The following BCL7C variants were observed in gnomAD, a reference collection of about 807,000 sequenced individuals.
BCL7C encodes the protein B-cell CLL/lymphoma 7 protein family member C.
In BCL7C, 8 loss-of-function variants were observed where a neutral mutation model predicts 26.2. That is an observed-to-expected ratio of 0.30 (90% CI 0.18 to 0.55). The LOEUF (loss-of-function observed/expected upper bound fraction) is 0.55. Among genes scored for constraint, BCL7C ranks in the 20% least tolerant of loss-of-function variants. BCL7C has a pLI of 0.93. For synonymous variants in BCL7C, 90 were observed against 116.5 expected, an observed-to-expected ratio of 0.77 and a Z score of 1.47; for missense variants, 262 against 298.5, an observed-to-expected ratio of 0.88 and a Z score of 0.90.
Position 30,887,995 on chromosome 16 carries a change from A to G in BCL7C, c.529-5T>C. On this transcript the variant is annotated splice_region_variant and splice_polypyrimidine_tract_variant and intron_variant, in intron 5 of 5. Coordinates refer to ENST00000215115, the MANE Select transcript of BCL7C (RefSeq NM_004765.4). ...GACAGGGTAAGCTTCGGGGGCCTGG[A>G]GAGGAAGGGTGGACAGGCGTGAGCT... is the stretch of plus-strand genomic sequence containing the variant. The G allele has an allele frequency of 1.2e-6, 2 of 1,603,272 alleles. No individual in the cohort carries two copies. Among genetic ancestry groups the G allele is most frequent in the Non-Finnish European group, 1.7e-6 (2 of 1,175,546 alleles).
intron 5 of BCL7C, chr16:30,875,331 G>A (rs566012848): frequency 5.0e-4 from 77 of 153,590 alleles, no homozygotes; most frequent in African/African-American, 1.8e-3. Context: ...GTTGCCCGAG[G>A]TCTCAGCCTC....
intron 5 of BCL7C, chr16:30,851,710 G>A: frequency 1.4e-6 from 1 of 717,350 alleles, no homozygotes; most frequent in Non-Finnish European, 2.3e-6. Flanking sequence ...GAAAGTTGCA[G>A]TGGATCAGAC....
At chr16:30,876,930 G>C (rs1380135478) in intron 5 of BCL7C, among the ~76,000 whole-genome samples, 1 of 152,188 alleles carries the variant, frequency 6.6e-6, no homozygotes, top group African/African-American at 2.4e-5. Context: ...GGACCAAGAA[G>C]CCCATGTGGC....
At chr16:30,837,211 C>T (rs2054575495) in intron 5 of BCL7C, among the ~76,000 whole-genome samples, 3 of 152,058 alleles carry the variant, frequency 2.0e-5, no homozygotes, top group Admixed American at 1.3e-4. Flanking sequence ...TAGTGTTTAC[C>T]ATTAAAATAA....
chr16:30,870,980 G>A (rs1361265999), intron 5 of BCL7C, among the ~76,000 whole-genome samples: 1 of 152,214 alleles, frequency 6.6e-6, no homozygotes, highest in African/African-American at 2.4e-5. Flanking sequence ...GAAGTAGCGA[G>A]GACCAGATAA....
At chr16:30,883,853 CA>C (rs1195507243), downstream of BCL7C, among the ~76,000 whole-genome samples, 1 of 148,136 alleles carries the variant, frequency 6.8e-6, no homozygotes, top group African/African-American at 2.5e-5. Flanking sequence ...GTGCCGGGCG[CA>C]GTGGCTCAGG....
rs754376558 is a variant in BCL7C at position 30,893,832 on chromosome 16, T to C, written c.92+21A>G. On this transcript the variant is annotated intron_variant, in intron 1 of 5. Transcript: ENST00000215115. This position sits in a 1 kb window ranked among gnomAD's most constrained non-coding sequence, Gnocchi z 5.2. Reference sequence around the variant, plus strand: ...TGGTGGTCCCGCTGTGTCCCGTCCCTGGCCCCCGAGCAGCGCTCACCATCT... The same window carrying C: ...TGGTGGTCCCGCTGTGTCCCGTCCCCGGCCCCCGAGCAGCGCTCACCATCT... 1 of 1,596,052 alleles carries C rather than the reference T, an allele frequency of 6.3e-7. No homozygotes were observed. The highest frequency in any genetic ancestry group is 1.1e-5 in the South Asian group (1 of 90,840).
intron 5 of BCL7C, among the ~76,000 whole-genome samples, chr16:30,860,132 A>G (rs1428677600): frequency 6.6e-6 from 1 of 151,992 alleles, no homozygotes; most frequent in Non-Finnish European, 1.5e-5. Flanking sequence ...TTTCCTCTCT[A>G]GTAGAGACAA....
rs2055300902 is a variant in BCL7C, at chr16:30,893,869, C to T, written c.76G>A (p.Glu26Lys). 1.2e-6 allele frequency: 2 copies of T among 1,602,332 alleles called. No individual in the cohort carries two copies. The highest frequency in any genetic ancestry group is 2.2e-5 in the East Asian group (1 of 44,800). Residue 26 changes from glutamate to lysine, a missense_variant, in exon 1 of 6, where the codon GAG becomes AAG. Glu to Lys is a moderately conservative substitution (Grantham distance 56, BLOSUM62 1). Coordinates refer to ENST00000215115, the MANE Select transcript of BCL7C (RefSeq NM_004765.4). This position sits in a 1 kb window ranked among gnomAD's most constrained non-coding sequence, Gnocchi z 5.2. Reference protein sequence around the residue: ...DDIKKVMATIEKVRRWEKRWV... With the variant: ...DDIKKVMATIKKVRRWEKRWV... ...AGCGCTCACCATCTCCGGACCTTCTCGATGGTCGCCATCACCTTCTTGATG... is the reference window on the plus strand; with the variant it reads ...AGCGCTCACCATCTCCGGACCTTCTTGATGGTCGCCATCACCTTCTTGATG...
chr16:30,860,784 T>C (rs964883142), intron 5 of BCL7C, among the ~76,000 whole-genome samples: 4 of 152,108 alleles, frequency 2.6e-5, no homozygotes, highest in Admixed American at 2.0e-4. Context: ...TCCTTCAGTC[T>C]CCACCCCAAG....
chr16:30,893,016 A>C lies in BCL7C; in HGVS notation c.172-68T>G, dbSNP rs2055278377. The C allele has an allele frequency of 6.8e-7, 1 of 1,472,020 alleles. No individual in the cohort carries two copies. 91.2% of individuals were successfully genotyped at this position (1,472,020 alleles called of 1,614,324 possible). On this transcript the variant is annotated intron_variant, in intron 2 of 5. Transcript: ENST00000215115. The surrounding 1 kb of genome is among the most constrained non-coding windows in gnomAD (Gnocchi z 5.2). ...ACCATACACCTAAGGAAACTGAGGC[A>C]CTGAGAAGCAAAAGGGCTCAAACTC...
At chr16:30,844,145 A>G (rs570164610) in intron 5 of BCL7C, among the ~76,000 whole-genome samples, 2 of 150,628 alleles carry the variant, frequency 1.3e-5, no homozygotes, top group South Asian at 2.1e-4. Context: ...AGGTCAAGAG[A>G]TCAAGACCAT....
chr16:30,879,689 C>CAAAAAAAAAAAAAAAAAA lies in BCL7C; in HGVS notation c.528+9153_528+9170dup, dbSNP rs1187827463. Among the ~76,000 whole-genome samples the CAAAAAAAAAAAAAAAAAA allele has an allele frequency of 7.4e-3, 218 of 29,376 alleles. 56 individuals are homozygous for CAAAAAAAAAAAAAAAAAA. The highest frequency in any genetic ancestry group is 0.022 in the African/African-American group (171 of 7,754). 19.3% of individuals were successfully genotyped at this position (29,376 alleles called of 152,430 possible). ...AACACAGAGAGACTCCCCTTCTCTACAAAAAAAAAAAAAAAAAAAACTGGG... is the reference window on the plus strand; with the variant it reads ...AACACAGAGAGACTCCCCTTCTCTACAAAAAAAAAAAAAAAAAAAAAAAAAAAAAAAAAAAAAACTGGG... On this transcript the variant is annotated intron_variant, in intron 5 of 5. Coordinates refer to the BCL7C transcript ENST00000380317.
intron 3 of BCL7C, 36 bp downstream of exon 3, chr16:30,892,804 C>A (rs200238657): frequency 5.3e-4 from 861 of 1,613,840 alleles, no homozygotes; most frequent in Non-Finnish European, 6.7e-4. Context: ...CTCCTTCAGT[C>A]CCCACAGCCC....
At chr16:30,875,827 G>C (rs2054941593) in intron 5 of BCL7C, 1 of 152,170 alleles carries the variant, frequency 6.6e-6, no homozygotes. Flanking sequence ...TCTGCACTTG[G>C]TTCCCGCTGC....
chr16:30,885,683 CATGAG>C (rs2055122373), downstream of BCL7C, among the ~76,000 whole-genome samples: 1 of 152,144 alleles, frequency 6.6e-6, no homozygotes, highest in Admixed American at 6.6e-5. Flanking sequence ...GGATTATAGG[CATGAG>C]CCACTGTGCC....
chr16:30,834,553 C>T lies in BCL7C; in HGVS notation c.*395G>A, dbSNP rs1361134668. ...CTTGCCCGCTGTGGACCCGGAGGCT[C>T]AGTGCCGGCAGGACTCGGGACTCGG... On this transcript the variant is annotated 3_prime_UTR_variant, in exon 6 of 6. Transcript: ENST00000380317. This position sits in a 1 kb window ranked among gnomAD's most constrained non-coding sequence, Gnocchi z 4.3. 1 of 159,598 alleles carries T rather than the reference C, an allele frequency of 6.3e-6. No individual in the cohort carries two copies. 9.9% of individuals were successfully genotyped at this position (159,598 alleles called of 1,614,324 possible).
intron 5 of BCL7C, chr16:30,875,135 C>G (rs1228854444): frequency 1.3e-5 from 2 of 154,432 alleles, no homozygotes; most frequent in African/African-American, 4.8e-5. Context: ...GGGATCCTCA[C>G]GCCCCTATAA....
downstream of BCL7C, among the ~76,000 whole-genome samples, chr16:30,883,852 G>A (rs951980802): frequency 2.0e-5 from 3 of 147,662 alleles, no homozygotes; most frequent in Non-Finnish European, 3.0e-5. Context: ...AGTGCCGGGC[G>A]CAGTGGCTCA....
Sources: gnomAD v4.1 joint callset for allele counts (sites outside exome capture counted in the v4.1 genomes callset) on GRCh38, gnomAD v4.1.1 for gene constraint, Gnocchi (gnomAD v3.1) non-coding constraint, MANE v1.5 for transcripts, NCBI Gene and HGNC (gene_info 2026-07-23, HGNC 2026-07-21) for gene names.